The following RPL12 variants were observed in gnomAD, a reference collection of about 807,000 sequenced individuals.
The protein encoded by RPL12 is large ribosomal subunit protein uL11.
In RPL12, 10 loss-of-function variants were observed where a neutral mutation model predicts 24.5. That is an observed-to-expected ratio of 0.41 (90% confidence interval 0.25 to 0.69). The LOEUF (loss-of-function observed/expected upper bound fraction) is 0.69. Ranked by LOEUF, RPL12 falls within the 30% of genes least tolerant of loss-of-function variation. The probability of loss-of-function intolerance (pLI) is 0.33; values close to 1 mark genes in which losing one functional copy is unlikely to be tolerated. For synonymous variants in RPL12, 74 were observed against 76.1 expected (o/e 0.97, Z 0.14); for missense variants, 137 against 205.3 (o/e 0.67, Z 2.03).
chr9:127,451,384 C>T lies in RPL12; in HGVS notation c.-67G>A, dbSNP rs951151780. 9.4e-6 allele frequency: 15 copies of T among 1,594,326 alleles called. No individual in the cohort carries two copies. Among genetic ancestry groups the T allele is most frequent in the East Asian group, 2.2e-5 (1 of 44,496 alleles). ...ACCGAAGGAAGTTGCACCTTGGCCT[C>T]CTCCGAGCCGAAAGCCGAGAGGCCG... On this transcript the variant is annotated 5_prime_UTR_variant, in exon 1 of 7. Transcript: ENST00000361436.
intron 1 of RPL12, 113 bp downstream of exon 1, chr9:127,451,168 A>T: frequency 7.1e-7 from 1 of 1,404,916 alleles, no homozygotes; most frequent in South Asian, 1.3e-5. Flanking sequence ...CAACACCGGG[A>T]AGGTCTCTGG....
At chr9:127,449,011 G>A in intron 4 of RPL12, 1 of 372,014 alleles carries the variant, frequency 2.7e-6, no homozygotes. Context: ...TTTTTTGGTG[G>A]AGATGGGGTT....
chr9:127,447,767 GATT>G lies in RPL12; in HGVS notation c.493-44_493-42del, dbSNP rs746265176. ...AAAAAATCAGTAAAAAGTTTAAAAG[GATT>G]ATCCCACCCCACCAGTAACCATTTC... On this transcript the variant is annotated intron_variant, in intron 6 of 6. Coordinates refer to ENST00000361436, the MANE Select transcript of RPL12 (RefSeq NM_000976.4). 9.3e-6 allele frequency: 15 copies of G among 1,613,364 alleles called. No individual in the cohort carries two copies. In the Admixed American group the frequency reaches 2.3e-4, roughly 25 times the overall value.
intron 6 of RPL12, 25 bp from the exon 7 acceptor site, chr9:127,447,751 G>A: frequency 1.9e-6 from 3 of 1,613,276 alleles, no homozygotes; most frequent in Non-Finnish European, 2.5e-6. Flanking sequence ...AAAAAAATCA[G>A]TAAAAAGTTT....
Position 127,448,452 on chromosome 9 carries a change from T to C in RPL12, c.293-29A>G, listed in dbSNP as rs779702831. ...CAGAAGAGGAAACAGCAAAAGCTCTTTTAAAGTCTGAAGCCAAAGCAGATC... is the reference window on the plus strand; with the variant it reads ...CAGAAGAGGAAACAGCAAAAGCTCTCTTAAAGTCTGAAGCCAAAGCAGATC... On this transcript the variant is annotated intron_variant, in intron 4 of 6. Coordinates refer to ENST00000361436, the MANE Select transcript of RPL12 (RefSeq NM_000976.4). The C allele has an allele frequency of 1.1e-5, 17 of 1,480,544 alleles. No individual in the cohort carries two copies. The East Asian group carries it at 2.5e-4, about 22-fold the overall frequency. 91.7% of individuals were successfully genotyped at this position (1,480,544 alleles called of 1,614,324 possible).
At chr9:127,449,449 T>TC in intron 3 of RPL12, 87 bp from the exon 4 acceptor site, 1 of 1,380,066 alleles carries the variant, frequency 7.2e-7, no homozygotes, top group Non-Finnish European at 1.0e-6. Context: ...CCACACACTG[T>TC]CCAAGTCTTT....
At position 127,447,738 on chromosome 9, in the gene RPL12, A is replaced by G. The variant is rs767040404; in HGVS notation, c.493-12T>C. 3.2e-6 allele frequency: 5 copies of G among 1,562,942 alleles called. No homozygotes were observed. Among genetic ancestry groups the G allele is most frequent in the East Asian group, 2.3e-5 (1 of 43,928 alleles). On this transcript the variant is annotated splice_polypyrimidine_tract_variant and intron_variant, in intron 6 of 6. Coordinates refer to ENST00000361436, the MANE Select transcript of RPL12 (RefSeq NM_000976.4). ...CTTTGTGCTTAACTCTGTGGGAAAGAAAAAAAAAATCAGTAAAAAGTTTAA... is the reference window on the plus strand; with the variant it reads ...CTTTGTGCTTAACTCTGTGGGAAAGGAAAAAAAAATCAGTAAAAAGTTTAA...
At chr9:127,450,906 G>A in intron 1 of RPL12, 102 bp from the exon 2 acceptor site, 1 of 924,804 alleles carries the variant, frequency 1.1e-6, no homozygotes, top group Non-Finnish European at 1.7e-6. Flanking sequence ...GCCTCTTCTC[G>A]AAACAGCACA....
At chr9:127,448,753 T>C in intron 4 of RPL12, 1 of 456,912 alleles carries the variant, frequency 2.2e-6, no homozygotes, top group Non-Finnish European at 4.2e-6. Flanking sequence ...TGTGGTCTCC[T>C]GATTATAGGT....
At chr9:127,450,506 A>G in intron 2 of RPL12, 1 of 505,318 alleles carries the variant, frequency 2.0e-6, no homozygotes, top group Non-Finnish European at 3.5e-6. Context: ...CAGGTACACT[A>G]AAGCAGCAGT....
intron 2 of RPL12, 118 bp from the exon 3 acceptor site, chr9:127,449,826 T>A: frequency 1.3e-6 from 1 of 744,840 alleles, no homozygotes; most frequent in Non-Finnish European, 2.3e-6. Flanking sequence ...AAGGGCACCT[T>A]CTCAATCAGA....
intron 2 of RPL12, 99 bp from the exon 3 acceptor site, chr9:127,449,807 C>G: frequency 1.1e-6 from 1 of 901,528 alleles, no homozygotes; most frequent in Admixed American, 1.9e-5. Flanking sequence ...GAAGCTATCT[C>G]AAGTACCTAA....
At position 127,447,708 on chromosome 9, in the gene RPL12, T is replaced by C; in HGVS notation, c.*13A>G. The stretch of plus-strand genomic sequence containing the variant: ...TGTCAAATGATCCTTTATTGAAATG[T>C]TTTCCTTTGTGCTTAACTCTGTGGG... On this transcript the variant is annotated 3_prime_UTR_variant, in exon 7 of 7. Coordinates refer to ENST00000361436, the MANE Select transcript of RPL12 (RefSeq NM_000976.4). The C allele has an allele frequency of 6.2e-7, 1 of 1,613,596 alleles. No individual in the cohort carries two copies. The highest frequency in any genetic ancestry group is 8.5e-7 in the Non-Finnish European group (1 of 1,179,846).
chr9:127,451,243 C>A, intron 1 of RPL12, 38 bp downstream of exon 1: 2 of 1,608,872 alleles, frequency 1.2e-6, no homozygotes, highest in South Asian at 1.1e-5. Context: ...CCGAGGGATG[C>A]TCCATCCCGC....
At position 127,448,001 on chromosome 9, in the gene RPL12, G is replaced by C; in HGVS notation, c.380-12C>G. On this transcript the variant is annotated splice_polypyrimidine_tract_variant and intron_variant, in intron 5 of 6. Transcript: ENST00000361436. The stretch of plus-strand genomic sequence containing the variant: ...CTCTTTAATGGTTCCTTTAAGTAAA[G>C]AAATGGTGGCATTGGAGGTGCTGGC... 6.3e-7 allele frequency: 1 copy of C among 1,595,480 alleles called. No individual in the cohort carries two copies. Among genetic ancestry groups the C allele is most frequent in the South Asian group, 1.1e-5 (1 of 87,538 alleles).
chr9:127,451,251 C>G (rs1051328435), intron 1 of RPL12, 30 bp downstream of exon 1: 2 of 1,610,480 alleles, frequency 1.2e-6, no homozygotes, highest in African/African-American at 2.7e-5. Context: ...TGCTCCATCC[C>G]GCAGCCCCGG....
At chr9:127,451,084 G>A in intron 1 of RPL12, 197 bp downstream of exon 1, 1 of 735,528 alleles carries the variant, frequency 1.4e-6, no homozygotes. Flanking sequence ...CGCCACAGGT[G>A]GTCCAGTCCT....
intron 1 of RPL12, 162 bp downstream of exon 1, chr9:127,451,119 G>T: frequency 2.1e-6 from 2 of 961,160 alleles, no homozygotes; most frequent in Non-Finnish European, 3.1e-6. Context: ...ACGTGAAGAA[G>T]CTAAGGCCCA....
chr9:127,450,985 T>G, intron 1 of RPL12, 181 bp from the exon 2 acceptor site: 1 of 642,760 alleles, frequency 1.6e-6, no homozygotes, highest in Non-Finnish European at 2.7e-6. Flanking sequence ...CGGGGAGGCG[T>G]GGAGAGAGCC....
Sources: allele counts gnomAD v4.1 joint callset, GRCh38; gene constraint gnomAD v4.1.1; transcripts MANE v1.5; gene names NCBI Gene and HGNC (gene_info 2026-07-23, HGNC 2026-07-21).